The following CAMK1D variants were observed in gnomAD, a reference collection of about 807,000 sequenced individuals.
The protein encoded by CAMK1D is calcium/calmodulin dependent protein kinase ID, also known as calcium/calmodulin-dependent protein kinase type 1D.
A neutral mutation model predicts 47.7 loss-of-function variants in CAMK1D; 9 were observed. The observed-to-expected ratio is 0.19, with a 90% CI of 0.11 to 0.33. CAMK1D has a LOEUF of 0.33. CAMK1D is among the 10% of genes least tolerant of loss of function. The pLI is 1.00. For synonymous variants in CAMK1D, 184 were observed against 184.9 expected, an observed-to-expected ratio of 0.99 and a Z score of 0.04; for missense variants, 291 against 488.7, an observed-to-expected ratio of 0.60 and a Z score of 3.81.
At chr10:12,580,246 G>T (rs1416900157) in intron 2 of CAMK1D, among the ~76,000 whole-genome samples, 1 of 151,542 alleles carries the variant, frequency 6.6e-6, no homozygotes, top group Non-Finnish European at 1.5e-5. Flanking sequence ...AACATCATCT[G>T]TAACTAGTTT....
chr10:12,446,358 G>C (rs1158183792), intron 1 of CAMK1D, among the ~76,000 whole-genome samples: 2 of 152,184 alleles, frequency 1.3e-5, no homozygotes, highest in East Asian at 3.8e-4. Context: ...GTAACTTCCT[G>C]ATGTGGCCTT....
At chr10:12,482,396 C>T (rs1364803375) in intron 1 of CAMK1D, among the ~76,000 whole-genome samples, 2 of 152,214 alleles carry the variant, frequency 1.3e-5, no homozygotes, top group Non-Finnish European at 1.5e-5. Context: ...TGTTTTATAA[C>T]ACCCGGTAGC....
intron 2 of CAMK1D, among the ~76,000 whole-genome samples, chr10:12,580,941 T>A (rs7921065): frequency 0.069 from 10,484 of 152,220 alleles, 483 homozygotes; most frequent in East Asian, 0.15. Flanking sequence ...TTTGGCTACA[T>A]GAATAAGTTC....
chr10:12,699,425 T>C (rs972748639), intron 3 of CAMK1D, among the ~76,000 whole-genome samples: 12 of 152,186 alleles, frequency 7.9e-5, no homozygotes, highest in African/African-American at 2.4e-4. Context: ...TTCAAGGAAA[T>C]GCTTCAGGAT....
At chr10:12,451,466 A>G (rs939000185) in intron 1 of CAMK1D, among the ~76,000 whole-genome samples, 6 of 152,320 alleles carry the variant, frequency 3.9e-5, no homozygotes, top group African/African-American at 1.4e-4. Context: ...GGGACCTGGT[A>G]TCCCCAGGGA....
At chr10:12,362,531 C>T (rs1028736602) in intron 1 of CAMK1D, among the ~76,000 whole-genome samples, 8 of 152,062 alleles carry the variant, frequency 5.3e-5, no homozygotes, top group Non-Finnish European at 1.0e-4. Flanking sequence ...GGAGTCTCGC[C>T]CCGTCCCCCA....
chr10:12,794,638 T>G (rs1474248568), intron 6 of CAMK1D, among the ~76,000 whole-genome samples: 1 of 152,182 alleles, frequency 6.6e-6, no homozygotes, highest in African/African-American at 2.4e-5. Flanking sequence ...TCACACTAGC[T>G]TTGCCCCAGA....
intron 6 of CAMK1D, among the ~76,000 whole-genome samples, chr10:12,798,027 G>A (rs145631499): frequency 5.3e-5 from 8 of 152,344 alleles, no homozygotes; most frequent in African/African-American, 1.4e-4. Context: ...CTCAGGCCGT[G>A]TGGAATGCAC....
intron 3 of CAMK1D, among the ~76,000 whole-genome samples, chr10:12,743,444 G>A (rs1343525696): frequency 6.6e-6 from 1 of 151,990 alleles, no homozygotes; most frequent in African/African-American, 2.4e-5. Context: ...GCCTTCATTT[G>A]TCACATTTCT....
At chr10:12,684,988 A>T (rs1832594820) in intron 3 of CAMK1D, among the ~76,000 whole-genome samples, 1 of 152,250 alleles carries the variant, frequency 6.6e-6, no homozygotes, top group Admixed American at 6.5e-5. Flanking sequence ...TCCTAGAGTT[A>T]AGCCTTGTTT....
At chr10:12,589,032 T>A (rs1837919262) in intron 2 of CAMK1D, among the ~76,000 whole-genome samples, 2 of 152,198 alleles carry the variant, frequency 1.3e-5, no homozygotes, top group South Asian at 4.1e-4. Flanking sequence ...GACAGGGTCT[T>A]GCCCTGTCTC....
chr10:12,502,889 G>T (rs895870291), intron 1 of CAMK1D, among the ~76,000 whole-genome samples: 3 of 152,212 alleles, frequency 2.0e-5, no homozygotes, highest in Non-Finnish European at 4.4e-5. Flanking sequence ...TCACTGCAGG[G>T]TGCAGTTCAC....
At chr10:12,701,899 A>G (rs1833534160) in intron 3 of CAMK1D, among the ~76,000 whole-genome samples, 1 of 152,202 alleles carries the variant, frequency 6.6e-6, no homozygotes, top group Non-Finnish European at 1.5e-5. Context: ...GGCAGGCAAG[A>G]TCCTGCCATA....
chr10:12,622,063 G>A (rs538016660), intron 2 of CAMK1D, among the ~76,000 whole-genome samples: 2 of 152,308 alleles, frequency 1.3e-5, no homozygotes, highest in East Asian at 1.9e-4. Context: ...TGCATGTGGC[G>A]GGGTTAGGCC....
intron 6 of CAMK1D, among the ~76,000 whole-genome samples, chr10:12,812,786 G>A (rs1276808916): frequency 6.6e-6 from 1 of 152,142 alleles, no homozygotes; most frequent in African/African-American, 2.4e-5. Flanking sequence ...TGTAAACCAA[G>A]GCCAGCCCCT....
intron 1 of CAMK1D, among the ~76,000 whole-genome samples, chr10:12,454,032 G>A (rs189593155): frequency 1.3e-5 from 2 of 152,230 alleles, no homozygotes; most frequent in Admixed American, 1.3e-4. Context: ...CCCCTGGTTG[G>A]GTCTTGCTGT....
intron 3 of CAMK1D, among the ~76,000 whole-genome samples, chr10:12,690,506 G>A (rs149980998): frequency 6.6e-6 from 1 of 152,296 alleles, no homozygotes; most frequent in Non-Finnish European, 1.5e-5. Context: ...GGGGGGTCAA[G>A]TGCCTGTGTA....
chr10:12,500,806 T>A (rs891350781), intron 1 of CAMK1D, among the ~76,000 whole-genome samples: 2 of 152,240 alleles, frequency 1.3e-5, no homozygotes, highest in Non-Finnish European at 2.9e-5. Flanking sequence ...GTTGTACACC[T>A]CTTACTTGTT....
At chr10:12,695,207 G>T (rs1166427375) in intron 3 of CAMK1D, among the ~76,000 whole-genome samples, 3 of 152,166 alleles carry the variant, frequency 2.0e-5, no homozygotes, top group Non-Finnish European at 2.9e-5. Flanking sequence ...AACAAGAAAA[G>T]ATCCCATTAA....
Sources: allele counts gnomAD v4.1 joint callset (sites outside exome capture counted in the v4.1 genomes callset), GRCh38; gene constraint gnomAD v4.1.1; transcripts MANE v1.5; gene names NCBI Gene and HGNC (gene_info 2026-07-23, HGNC 2026-07-21).